The following LRPPRC variants were observed in gnomAD, a reference collection of about 807,000 sequenced individuals.
LRPPRC encodes the protein leucine-rich PPR motif-containing protein, mitochondrial.
A neutral mutation model predicts 180.3 loss-of-function variants in LRPPRC; 120 were observed. The ratio of observed to expected loss-of-function variants is 0.67; its 90% confidence interval spans 0.57 to 0.77. The LOEUF (loss-of-function observed/expected upper bound fraction) is 0.77. LRPPRC is among the 30% of genes least tolerant of loss of function. The pLI is 0.00. For missense variants in LRPPRC, 2,012 were observed against 1,657.2 expected (o/e 1.21, Z -3.72); for synonymous variants, 723 against 600.0 (o/e 1.21, Z -3.00).
At chr2:43,994,011 C>G (rs1674905982) in intron 1 of LRPPRC, among the ~76,000 whole-genome samples, 1 of 151,972 alleles carries the variant, frequency 6.6e-6, no homozygotes, top group African/African-American at 2.4e-5. Context: ...ACACCGAGAC[C>G]ACCCTTTCTA....
chr2:43,974,889 A>G (rs974727781), intron 7 of LRPPRC, 131 bp from the exon 8 acceptor site: 5 of 1,017,350 alleles, frequency 4.9e-6, no homozygotes, highest in Admixed American at 2.1e-5. Flanking sequence ...TCTTTTAAAA[A>G]ACAGGAAATA....
chr2:43,974,122 G>A (rs1673943121), intron 9 of LRPPRC, 28 bp downstream of exon 9: 4 of 1,600,816 alleles, frequency 2.5e-6, no homozygotes, highest in African/African-American at 1.3e-5. Context: ...CAATTACATT[G>A]TCTACAAAGT....
chr2:43,969,874 C>T (rs1056714680), intron 11 of LRPPRC, among the ~76,000 whole-genome samples: 1 of 152,014 alleles, frequency 6.6e-6, no homozygotes, highest in Non-Finnish European at 1.5e-5. Context: ...CAGGATTTTG[C>T]CAACTTCCCA....
chr2:43,896,704 C>T lies in LRPPRC; in HGVS notation c.3830G>A (p.Cys1277Tyr). The T allele has an allele frequency of 1.3e-6, 2 of 1,596,876 alleles. No individual in the cohort carries two copies. The highest frequency in any genetic ancestry group is 1.7e-6 in the Non-Finnish European group (2 of 1,164,524). ...CGGGGTTTGTTCAGCAATTGCACCA[C>T]ATCTCTAAAAATTAAAACATTATTC... Reference protein sequence around the residue: ...VDDARALLQRCGAIAEQTPIL... With the variant: ...VDDARALLQRYGAIAEQTPIL... The change falls in exon 35 of 38, where the codon TGT becomes TAT. Residue 1277 changes from cysteine (C) to tyrosine (Y), a missense_variant. By Grantham distance (194) the Cys-to-Tyr change is radical. Coordinates refer to ENST00000260665, the MANE Select transcript of LRPPRC (RefSeq NM_133259.4).
At chr2:43,960,138 T>C (rs1673282411) in intron 13 of LRPPRC, among the ~76,000 whole-genome samples, 1 of 152,244 alleles carries the variant, frequency 6.6e-6, no homozygotes, top group South Asian at 2.1e-4. Flanking sequence ...TTATAATAGA[T>C]GTTAGTTTAA....
At chr2:43,971,139 C>A (rs574519216) in intron 11 of LRPPRC, among the ~76,000 whole-genome samples, 2 of 150,534 alleles carry the variant, frequency 1.3e-5, no homozygotes, top group Non-Finnish European at 2.9e-5. Flanking sequence ...TCAACCACTT[C>A]ACTCAACTGG....
rs934780618 is a variant in LRPPRC at position 43,896,624 on chromosome 2, A to G, written c.3900+10T>C. ...GTATCATTGATTTGTAAGCAGGTAAAGCACAGTACCTTTCCTTGTTTCCTA... is the reference window on the plus strand; with the variant it reads ...GTATCATTGATTTGTAAGCAGGTAAGGCACAGTACCTTTCCTTGTTTCCTA... On this transcript the variant is annotated intron_variant, in intron 35 of 37. Coordinates refer to ENST00000260665, the MANE Select transcript of LRPPRC (RefSeq NM_133259.4). 6 of 1,584,180 alleles carry G rather than the reference A, an allele frequency of 3.8e-6. No individual in the cohort carries two copies. Among genetic ancestry groups the G allele is most frequent in the Non-Finnish European group, 5.2e-6 (6 of 1,153,140 alleles).
rs528164545 is a variant in LRPPRC, at chr2:43,886,864, G to A, written c.*1736C>T. On this transcript the variant is annotated 3_prime_UTR_variant, in exon 38 of 38. Coordinates refer to ENST00000260665, the MANE Select transcript of LRPPRC (RefSeq NM_133259.4). ...AAGACAGGAGTGAGGCTCTTGGCCA[G>A]GCGTGGTGGCTCACACCTGTAATCC... 6.6e-6 allele frequency: 1 copy of A among 152,342 alleles called. No homozygotes were observed. The highest frequency in any genetic ancestry group is 3.4e-3 in the Middle Eastern group (1 of 296). The allele number at this position is 152,342 out of a possible 1,614,324, so 9.4% of individuals were successfully genotyped here.
chr2:43,979,849 A>C lies in LRPPRC; in HGVS notation c.446T>G (p.Ile149Arg). 1.9e-6 allele frequency: 3 copies of C among 1,613,234 alleles called. No individual in the cohort carries two copies. The highest frequency in any genetic ancestry group is 2.5e-6 in the Non-Finnish European group (3 of 1,179,270). ...ACCTAATTTCTGAAGTGTGTCCCAT[A>C]TCCTATGAGCAAATTCTGTTCTCTC... ...LEERTEFAHR[I>R]WDTLQKLGAV... Residue 149 changes from isoleucine (I) to arginine (R), a missense_variant, in exon 3 of 38, where the codon ATA (isoleucine) becomes AGA (arginine). Physicochemically the swap from Ile to Arg is moderately conservative, Grantham distance 97. Transcript: ENST00000260665.
chr2:43,954,644 G>GCA (rs1559004088), intron 14 of LRPPRC, among the ~76,000 whole-genome samples: 2 of 152,216 alleles, frequency 1.3e-5, no homozygotes, highest in East Asian at 3.9e-4. Context: ...ATAAACTAAT[G>GCA]TATATATAAT....
At chr2:43,980,242 A>T (rs531096030) in intron 2 of LRPPRC, among the ~76,000 whole-genome samples, 12 of 152,286 alleles carry the variant, frequency 7.9e-5, no homozygotes, top group Middle Eastern at 3.4e-3. Flanking sequence ...GCTTGCTACA[A>T]TTCAAAGGCT....
chr2:43,991,052 T>G (rs1674756440), intron 1 of LRPPRC, among the ~76,000 whole-genome samples: 1 of 148,414 alleles, frequency 6.7e-6, no homozygotes, highest in African/African-American at 2.5e-5. Flanking sequence ...TTTTTTGAGA[T>G]GGGGTCTCAC....
At chr2:43,923,351 G>A (rs757760038) in intron 27 of LRPPRC, among the ~76,000 whole-genome samples, 1 of 152,026 alleles carries the variant, frequency 6.6e-6, no homozygotes, top group South Asian at 2.1e-4. Flanking sequence ...TATTAGCAAG[G>A]TGTGGTGGCA....
At chr2:43,930,027 G>A (rs1672029153) in intron 25 of LRPPRC, among the ~76,000 whole-genome samples, 1 of 152,038 alleles carries the variant, frequency 6.6e-6, no homozygotes, top group South Asian at 2.1e-4. Flanking sequence ...GATCCACGCT[G>A]GCTTATTAAG....
In LRPPRC at chr2:43,989,309, T is replaced by C. The variant is rs2103771866; in HGVS notation, c.149+6490A>G. 1.3e-5 allele frequency among the ~76,000 whole-genome samples: 2 copies of C among 152,352 alleles called. 1 individual carries two copies. Among genetic ancestry groups the C allele is most frequent in the South Asian group, 4.1e-4 (2 of 4,832 alleles). ...GACTAAAAAAGCTACTAGCCACCCT[T>C]CTACACTTTATAACAACCTTCTGGC... On this transcript the variant is annotated intron_variant, in intron 1 of 37. Transcript: ENST00000260665.
intron 37 of LRPPRC, among the ~76,000 whole-genome samples, chr2:43,889,107 C>G (rs1402563752): frequency 6.6e-6 from 1 of 152,116 alleles, no homozygotes; most frequent in African/African-American, 2.4e-5. Context: ...ACGAGGTCAG[C>G]AGTTCAAGAC....
intron 16 of LRPPRC, 152 bp from the exon 17 acceptor site, chr2:43,948,670 T>C (rs1307354563): frequency 1.5e-6 from 1 of 662,060 alleles, no homozygotes. Flanking sequence ...ATAGAGATTA[T>C]GTGGTTTGGG....
At chr2:43,969,227 AC>A (rs1673694398) in intron 11 of LRPPRC, among the ~76,000 whole-genome samples, 5 of 152,112 alleles carry the variant, frequency 3.3e-5, no homozygotes, top group Non-Finnish European at 2.9e-5. Flanking sequence ...TCTGGCTAAC[AC>A]GGTGAAACCC....
chr2:43,915,912 T>C (rs1260294172), intron 29 of LRPPRC, among the ~76,000 whole-genome samples: 2 of 152,130 alleles, frequency 1.3e-5, no homozygotes, highest in Admixed American at 6.5e-5. Flanking sequence ...ACTATAGTCC[T>C]GTGCCACCAA....
Sources: gnomAD v4.1 joint callset for allele counts (sites outside exome capture counted in the v4.1 genomes callset) on GRCh38, gnomAD v4.1.1 for gene constraint, MANE v1.5 for transcripts, NCBI Gene and HGNC (gene_info 2026-07-23, HGNC 2026-07-21) for gene names.